EMP2: variants seen among roughly 807,000 people sequenced by gnomAD.
EMP2 encodes the protein epithelial membrane protein 2.
In EMP2, 19 loss-of-function variants were observed where a neutral mutation model predicts 13.7. The observed-to-expected ratio is 1.38, with a 90% confidence interval of 0.97 to 2.03. The LOEUF is 2.03. EMP2 is among the 30% of genes most tolerant of loss of function. EMP2 has a pLI of 0.00. For missense variants in EMP2, 253 were observed against 220.7 expected (o/e 1.15, Z -0.93); for synonymous variants, 97 against 84.7 (o/e 1.15, Z -0.80).
chr16:10,528,775 C>A lies in EMP2; in HGVS notation c.*4130G>T, dbSNP rs1417968675. 1 of 152,192 alleles carries A rather than the reference C, an allele frequency of 6.6e-6. No homozygotes were observed. The highest frequency in any genetic ancestry group is 1.5e-5 in the Non-Finnish European group (1 of 68,044). The allele number at this position is 152,192 out of a possible 1,614,324, so 9.4% of individuals were successfully genotyped here. A position where few individuals can be genotyped will look rare whatever the true frequency, so the allele number is the denominator to read the frequency against. On this transcript the variant is annotated 3_prime_UTR_variant, in exon 5 of 5. Transcript: ENST00000359543. ...GTCCAACTTGCTCTATTGTAAGTAA[C>A]CTTTAAACTATTAGCGAGTTTAGTA...
chr16:10,543,668 A>C lies in EMP2; in HGVS notation c.79-8T>G, dbSNP rs760815327. On this transcript the variant is annotated splice_polypyrimidine_tract_variant and splice_region_variant and intron_variant, in intron 2 of 4. Coordinates refer to ENST00000359543, the MANE Select transcript of EMP2 (RefSeq NM_001424.6). The stretch of plus-strand genomic sequence containing the variant: ...ATCTCCTACCCACCAGGCCTGTAAC[A>C]CAAAATGGAAATAGAGAGAAAGGCC... The C allele has an allele frequency of 1.9e-6, 3 of 1,613,892 alleles. No homozygotes were observed. The South Asian group carries it at 3.3e-5, about 18-fold the overall frequency.
At chr16:10,546,192 ATTGTCAT>A (rs1337939863) in intron 2 of EMP2, 4 of 152,102 alleles carry the variant, frequency 2.6e-5, no homozygotes, top group Non-Finnish European at 5.9e-5. Context: ...TTATGTTACT[ATTGTCAT>A]GATGATCCAT....
At chr16:10,535,235 G>T (rs959763333) in intron 4 of EMP2, among the ~76,000 whole-genome samples, 2 of 152,080 alleles carry the variant, frequency 1.3e-5, no homozygotes, top group Non-Finnish European at 2.9e-5. Context: ...CCAGGTCTTT[G>T]GACCAGAAAA....
At position 10,580,370 on chromosome 16, in the gene EMP2, G is replaced by C. The variant is rs913718624; in HGVS notation, c.-61+179C>G. ...GTGGAATTCTGGGGCCGGAGCGAGC[G>C]TGGCGCAGACCAGAGGTCGGCGGCA... On this transcript the variant is annotated intron_variant, in intron 1 of 4. Coordinates refer to ENST00000359543, the MANE Select transcript of EMP2 (RefSeq NM_001424.6). This position sits in a 1 kb window ranked among gnomAD's most constrained non-coding sequence, Gnocchi z 4.3. Among the ~76,000 whole-genome samples the C allele has an allele frequency of 6.6e-6, 1 of 152,246 alleles. No homozygotes were observed. Among genetic ancestry groups the C allele is most frequent in the Non-Finnish European group, 1.5e-5 (1 of 68,044 alleles).
At chr16:10,556,473 T>C (rs2050828357) in intron 1 of EMP2, among the ~76,000 whole-genome samples, 1 of 152,172 alleles carries the variant, frequency 6.6e-6, no homozygotes, top group Non-Finnish European at 1.5e-5. Flanking sequence ...ACAGGACAAG[T>C]AGGACAAGCA....
chr16:10,564,123 T>C (rs2050891234), intron 1 of EMP2, among the ~76,000 whole-genome samples: 1 of 152,218 alleles, frequency 6.6e-6, no homozygotes, highest in African/African-American at 2.4e-5. Context: ...TATGCATAAA[T>C]TTCTAGGAAA....
rs953619089 is a variant in EMP2 at position 10,531,488 on chromosome 16, G to T, written c.*1417C>A. ...TGGGATTACAGGCATGCACCACCAC[G>T]CCCAGCTCATTTTTGTATTTTTAGT... On this transcript the variant is annotated 3_prime_UTR_variant, in exon 5 of 5. Transcript: ENST00000359543. 6.6e-6 allele frequency: 1 copy of T among 151,314 alleles called. No individual in the cohort carries two copies. The highest frequency in any genetic ancestry group is 1.5e-5 in the Non-Finnish European group (1 of 67,976). The allele number at this position is 151,314 out of a possible 1,614,324, so 9.4% of individuals were successfully genotyped here.
At chr16:10,565,374 T>G (rs1446833070) in intron 1 of EMP2, among the ~76,000 whole-genome samples, 1 of 152,160 alleles carries the variant, frequency 6.6e-6, no homozygotes, top group African/African-American at 2.4e-5. Flanking sequence ...TCCAATCAGT[T>G]GAAGGCCTGG....
At chr16:10,533,648 G>C (rs12051183) in intron 4 of EMP2, among the ~76,000 whole-genome samples, 16,212 of 152,230 alleles carry the variant, frequency 0.11, 991 homozygotes, top group South Asian at 0.29. Flanking sequence ...ATGAATAATA[G>C]TGGCAGTGTT....
chr16:10,564,030 C>G (rs1004828578), intron 1 of EMP2, among the ~76,000 whole-genome samples: 6 of 152,236 alleles, frequency 3.9e-5, no homozygotes, highest in African/African-American at 1.4e-4. Flanking sequence ...AGGGACTGCT[C>G]CTTGGGGAGC....
chr16:10,537,039 G>T (rs2050652354), intron 4 of EMP2, among the ~76,000 whole-genome samples: 1 of 152,102 alleles, frequency 6.6e-6, no homozygotes, highest in Non-Finnish European at 1.5e-5. Context: ...GGAGGTGGAG[G>T]GCTGGAAGGA....
intron 1 of EMP2, among the ~76,000 whole-genome samples, chr16:10,558,378 T>G (rs759127486): frequency 3.3e-5 from 5 of 152,122 alleles, no homozygotes; most frequent in Admixed American, 6.6e-5. Context: ...CTCCCAGAAA[T>G]GTCCATCCTG....
At chr16:10,547,299 C>T in intron 2 of EMP2, 2 of 459,600 alleles carry the variant, frequency 4.4e-6, no homozygotes, top group East Asian at 3.8e-5. Flanking sequence ...TTATAAAGGG[C>T]AGTTCCCCTG....
chr16:10,534,214 T>C (rs941627852), intron 4 of EMP2, among the ~76,000 whole-genome samples: 1 of 152,164 alleles, frequency 6.6e-6, no homozygotes, highest in Non-Finnish European at 1.5e-5. Flanking sequence ...GCTTTAAATA[T>C]TGTCGGGGCA....
chr16:10,565,346 C>T (rs2050900388), intron 1 of EMP2, among the ~76,000 whole-genome samples: 1 of 152,188 alleles, frequency 6.6e-6, no homozygotes, highest in Non-Finnish European at 1.5e-5. Flanking sequence ...ATTGCCCTCC[C>T]TAACGGGCTA....
In EMP2 at chr16:10,531,583, G is replaced by A. The variant is rs1398720218; in HGVS notation, c.*1322C>T. Reference sequence around the variant, plus strand: ...GACCTCAGGTGATCCACCCGCCTCAGCCTCCCAAAGTGCTGGGATTACAAG... The same window carrying A: ...GACCTCAGGTGATCCACCCGCCTCAACCTCCCAAAGTGCTGGGATTACAAG... On this transcript the variant is annotated 3_prime_UTR_variant, in exon 5 of 5. Transcript: ENST00000359543. 6.6e-6 allele frequency: 1 copy of A among 152,224 alleles called. No homozygotes were observed. Among genetic ancestry groups the A allele is most frequent in the Non-Finnish European group, 1.5e-5 (1 of 68,112 alleles). 9.4% of individuals were successfully genotyped at this position (152,224 alleles called of 1,614,324 possible). A position where few individuals can be genotyped will look rare whatever the true frequency, so the allele number is the denominator to read the frequency against.
rs74007147 is a variant in EMP2, at chr16:10,532,156, C to G, written c.*749G>C. On this transcript the variant is annotated 3_prime_UTR_variant, in exon 5 of 5. Transcript: ENST00000359543. ...AGGGAGCGCGTTAGAAATGCAGATT[C>G]CCTGGCCCCATCCCTTGAAGACTCT... is the stretch of plus-strand genomic sequence containing the variant. 0.038 allele frequency: 5,800 copies of G among 154,560 alleles called. 366 individuals carry two copies. The highest frequency in any genetic ancestry group is 0.13 in the African/African-American group (5,575 of 41,486). The allele number at this position is 154,560 out of a possible 1,614,324, so 9.6% of individuals were successfully genotyped here. A position where few individuals can be genotyped will look rare whatever the true frequency, so the allele number is the denominator to read the frequency against.
intron 1 of EMP2, among the ~76,000 whole-genome samples, chr16:10,561,561 G>A (rs1043879018): frequency 7.9e-5 from 12 of 152,204 alleles, no homozygotes; most frequent in Non-Finnish European, 1.2e-4. Flanking sequence ...AGAAAAATGG[G>A]ACAAGGAGGG....
chr16:10,568,780 CTTTTTTT>C (rs58406598), intron 1 of EMP2, among the ~76,000 whole-genome samples: 5 of 85,234 alleles, frequency 5.9e-5, no homozygotes, highest in Admixed American at 1.6e-4. Flanking sequence ...CTAGGATTTT[CTTTTTTT>C]TTTTTTTTTT....
Sources: allele counts gnomAD v4.1 joint callset (sites outside exome capture counted in the v4.1 genomes callset), GRCh38; gene constraint gnomAD v4.1.1; non-coding constraint Gnocchi (gnomAD v3.1); transcripts MANE v1.5; gene names NCBI Gene and HGNC (gene_info 2026-07-23, HGNC 2026-07-21).